The following DPF3 variants were observed in gnomAD, a reference collection of about 807,000 sequenced individuals.
DPF3 encodes zinc finger protein DPF3.
A neutral mutation model predicts 56.8 loss-of-function variants in DPF3; 18 were observed. The observed-to-expected ratio is 0.32, with a 90% CI of 0.22 to 0.47. DPF3 has a LOEUF of 0.47. Among genes scored for constraint, DPF3 ranks in the 20% least tolerant of loss-of-function variants. The pLI, the probability that DPF3 is intolerant of heterozygous loss-of-function variation, is 1.00. For synonymous variants in DPF3, 188 were observed against 180.2 expected (o/e 1.04, Z -0.35); for missense variants, 403 against 488.8 (o/e 0.82, Z 1.65).
At chr14:72,652,625 G>A (rs1885946862) in intron 8 of DPF3, among the ~76,000 whole-genome samples, 1 of 152,164 alleles carries the variant, frequency 6.6e-6, no homozygotes, top group African/African-American at 2.4e-5. Context: ...GCCTGCAATA[G>A]CCCTAATATG....
chr14:72,723,346 C>T (rs1301142153), intron 5 of DPF3, among the ~76,000 whole-genome samples: 2 of 152,136 alleles, frequency 1.3e-5, no homozygotes, highest in Non-Finnish European at 2.9e-5. Flanking sequence ...TGACAACAGG[C>T]ACATTCTCCT....
intron 6 of DPF3, among the ~76,000 whole-genome samples, chr14:72,709,922 A>G (rs1888581412): frequency 6.6e-6 from 1 of 152,210 alleles, no homozygotes; most frequent in Admixed American, 6.5e-5. Flanking sequence ...ACTTCGAGGA[A>G]AAAAGAAAAC....
chr14:72,726,995 C>T (rs776972462), intron 4 of DPF3, among the ~76,000 whole-genome samples: 1 of 152,208 alleles, frequency 6.6e-6, no homozygotes, highest in Admixed American at 6.5e-5. Context: ...TACAAATTCA[C>T]GGCCCTGATC....
chr14:72,682,015 C>G (rs1887184541), intron 7 of DPF3, among the ~76,000 whole-genome samples: 1 of 152,148 alleles, frequency 6.6e-6, no homozygotes, highest in Admixed American at 6.5e-5. Flanking sequence ...GAGTTCAAGA[C>G]CAGCCTGGCC....
intron 6 of DPF3, among the ~76,000 whole-genome samples, chr14:72,705,892 G>C (rs1567206391): frequency 6.6e-6 from 1 of 152,124 alleles, no homozygotes. Context: ...TCCAGAAAGG[G>C]ACAGTGATAG....
intron 1 of DPF3, among the ~76,000 whole-genome samples, chr14:72,826,482 G>A (rs527467772): frequency 6.6e-6 from 1 of 152,202 alleles, no homozygotes; most frequent in Non-Finnish European, 1.5e-5. Flanking sequence ...CCCAGAGGAA[G>A]TGCTAAAGAA....
At chr14:72,626,433 C>A (rs1362360688) in intron 9 of DPF3, among the ~76,000 whole-genome samples, 1 of 152,114 alleles carries the variant, frequency 6.6e-6, no homozygotes, top group African/African-American at 2.4e-5. Flanking sequence ...GGTCAGCATA[C>A]TATAGATATT....
intron 5 of DPF3, among the ~76,000 whole-genome samples, chr14:72,722,919 C>T (rs1199474518): frequency 6.6e-6 from 1 of 152,202 alleles, no homozygotes; most frequent in African/African-American, 2.4e-5. Flanking sequence ...CATCCGAGGA[C>T]CCCTGGGATG....
At chr14:72,799,076 G>A (rs1892758983) in intron 1 of DPF3, among the ~76,000 whole-genome samples, 1 of 152,132 alleles carries the variant, frequency 6.6e-6, no homozygotes, top group South Asian at 2.1e-4. Flanking sequence ...AAGACATCAG[G>A]GACAGCAACT....
At chr14:72,879,889 T>A (rs1203702254) in intron 1 of DPF3, 5 of 1,529,532 alleles carry the variant, frequency 3.3e-6, no homozygotes, top group African/African-American at 1.4e-5. Context: ...GATGTTCACA[T>A]CTATATGCGT....
At position 72,852,259 on chromosome 14, in the gene DPF3, GAA is replaced by G. The variant is rs201013828; in HGVS notation, c.32+41796_32+41797del. 9.6e-3 allele frequency among the ~76,000 whole-genome samples: 1,455 copies of G among 152,312 alleles called. 28 individuals carry two copies. The highest frequency in any genetic ancestry group is 0.033 in the African/African-American group (1,371 of 41,564). On this transcript the variant is annotated intron_variant, in intron 1 of 10. Coordinates refer to ENST00000556509, the MANE Select transcript of DPF3 (RefSeq NM_001280542.3). ...CCCATCCCCTAGGAGACCACGGAGTGAAAAAAGTTGGAGGCCTAAGTACAGCC... is the reference window on the plus strand; with the variant it reads ...CCCATCCCCTAGGAGACCACGGAGTGAAAAGTTGGAGGCCTAAGTACAGCC...
intron 1 of DPF3, among the ~76,000 whole-genome samples, chr14:72,780,417 C>T (rs1039887036): frequency 1.3e-5 from 2 of 152,192 alleles, no homozygotes; most frequent in African/African-American, 4.8e-5. Flanking sequence ...GAGCTATGTG[C>T]TTGCATGCTA....
chr14:72,610,363 C>T lies in DPF3; in HGVS notation c.*8934G>A, dbSNP rs1567173243. On this transcript the variant is annotated 3_prime_UTR_variant, in exon 11 of 11. Transcript: ENST00000556509. ...TGGTCATCCTTCCTACCATAGGAGCCACCTGCCAAAGCCCACCCAGAGGAA... is the reference window on the plus strand; with the variant it reads ...TGGTCATCCTTCCTACCATAGGAGCTACCTGCCAAAGCCCACCCAGAGGAA... Among the ~76,000 whole-genome samples the T allele has an allele frequency of 1.3e-5, 2 of 152,154 alleles. No individual in the cohort carries two copies. Among genetic ancestry groups the T allele is most frequent in the South Asian group, 4.2e-4 (2 of 4,812 alleles).
chr14:72,859,473 C>CT (rs1599501531), intron 1 of DPF3, among the ~76,000 whole-genome samples: 12 of 93,926 alleles, frequency 1.3e-4, no homozygotes, highest in African/African-American at 5.3e-4. Flanking sequence ...GCTTCCTCCC[C>CT]CCCCCCCCCC....
At chr14:72,662,185 T>C in intron 8 of DPF3, 1 of 985,400 alleles carries the variant, frequency 1.0e-6, no homozygotes, top group Non-Finnish European at 1.2e-6. Context: ...ACTTACCACA[T>C]CCAACTCGCA....
chr14:72,648,569 G>GA (rs11348282), intron 8 of DPF3, among the ~76,000 whole-genome samples: 163 of 92,922 alleles, frequency 1.8e-3, no homozygotes, highest in East Asian at 3.2e-3. Context: ...TCTCAAAAAA[G>GA]AAAAAAAAAA....
chr14:72,725,288 T>C (rs532771233), intron 4 of DPF3, among the ~76,000 whole-genome samples: 3 of 152,238 alleles, frequency 2.0e-5, no homozygotes, highest in South Asian at 2.1e-4. Context: ...AAAACAGTGG[T>C]AGGCAAGTTC....
intron 6 of DPF3, among the ~76,000 whole-genome samples, chr14:72,695,049 C>T (rs1258036710): frequency 6.6e-6 from 1 of 152,160 alleles, no homozygotes; most frequent in Non-Finnish European, 1.5e-5. Flanking sequence ...TGAATCTGTA[C>T]TAAGACTTGA....
At chr14:72,678,442 TCC>T (rs1887009784) in intron 7 of DPF3, among the ~76,000 whole-genome samples, 1 of 152,226 alleles carries the variant, frequency 6.6e-6, no homozygotes, top group Non-Finnish European at 1.5e-5. Context: ...TCCTGGGTGA[TCC>T]TGTTTATTGT....
Sources: allele counts gnomAD v4.1 joint callset (sites outside exome capture counted in the v4.1 genomes callset), GRCh38; gene constraint gnomAD v4.1.1; transcripts MANE v1.5; gene names NCBI Gene and HGNC (gene_info 2026-07-23, HGNC 2026-07-21).